Variants in SCN9A observed in about 807,000 individuals in gnomAD.
The protein encoded by SCN9A is sodium voltage-gated channel alpha subunit 9.
A neutral mutation model predicts 187.0 loss-of-function variants in SCN9A; 131 were observed. That is an observed-to-expected ratio of 0.70 (90% confidence interval 0.61 to 0.81). The LOEUF is 0.81. SCN9A is among the 30% of genes least tolerant of loss of function. The pLI, the probability that SCN9A is intolerant of heterozygous loss-of-function variation, is 0.00. For synonymous variants in SCN9A, 809 were observed against 808.6 expected, an observed-to-expected ratio of 1.00 and a Z score of -0.01; for missense variants, 2,252 against 2,396.6, an observed-to-expected ratio of 0.94 and a Z score of 1.26.
In SCN9A at chr2:166,218,087, GTGA is replaced by G. The variant is rs202111580; in HGVS notation, c.4398+8477_4398+8479del. ...ACATGCAACCTGTACCCATCAACAG[GTGA>G]ATGAATAAAGAAAATGTGATAGGTA... On this transcript the variant is annotated intron_variant, in intron 24 of 26. Transcript: ENST00000642356. 6.2e-3 allele frequency among the ~76,000 whole-genome samples: 935 copies of G among 151,894 alleles called. 7 individuals are homozygous for G. The highest frequency in any genetic ancestry group is 6.6e-3 in the Non-Finnish European group (445 of 67,932).
chr2:166,292,852 G>T, intron 9 of SCN9A, among the ~76,000 whole-genome samples: 1 of 152,220 alleles, frequency 6.6e-6, no homozygotes, highest in South Asian at 2.1e-4. Flanking sequence ...AATAAAACAT[G>T]GTGAGCAGGT....
Position 166,198,773 on chromosome 2 carries a change from G to T in SCN9A, c.5866C>A (p.Pro1956Thr). 1.9e-6 allele frequency: 3 copies of T among 1,613,514 alleles called. No individual in the cohort carries two copies. Among genetic ancestry groups the T allele is most frequent in the Non-Finnish European group, 2.5e-6 (3 of 1,179,616 alleles). Residue 1956 changes from proline to threonine, a missense_variant, in exon 27 of 27, where the codon CCT (proline) becomes ACT (threonine). Pro to Thr is a conservative substitution (Grantham distance 38, BLOSUM62 -1). Coordinates refer to ENST00000642356, the MANE Select transcript of SCN9A (RefSeq NM_001365536.1). ...GGCTTTGTTACACTATCATATGAAG[G>T]TGGAGAGGTGGTGGATGAAGTGGCA... ...TDATSSTTSP[P>T]SYDSVTKPDK...
At chr2:166,282,578 A>C (rs1219724530) in intron 12 of SCN9A, among the ~76,000 whole-genome samples, 1 of 151,914 alleles carries the variant, frequency 6.6e-6, no homozygotes, top group Admixed American at 6.5e-5. Flanking sequence ...ACACACACAC[A>C]CTCACACACA....
chr2:166,234,293 G>C (rs1489695107), intron 20 of SCN9A, among the ~76,000 whole-genome samples: 2 of 152,176 alleles, frequency 1.3e-5, no homozygotes, highest in African/African-American at 4.8e-5. Flanking sequence ...CTCTGAATTA[G>C]TTCCATGGAA....
In SCN9A at chr2:166,247,297, T is replaced by C. The variant is rs1479440254; in HGVS notation, c.3472+4468A>G. ...AATTGATTATGAAAACAAGCTTTTTTCACCATTTCTTAACATCAAATATAA... is the reference window on the plus strand; with the variant it reads ...AATTGATTATGAAAACAAGCTTTTTCCACCATTTCTTAACATCAAATATAA... On this transcript the variant is annotated intron_variant, in intron 18 of 26. Transcript: ENST00000642356. Among the ~76,000 whole-genome samples, 5 of 151,878 alleles carry C rather than the reference T, an allele frequency of 3.3e-5. No individual in the cohort carries two copies. In the East Asian group the frequency reaches 9.6e-4, roughly 29 times the overall value.
chr2:166,250,572 A>G (rs1263531943), intron 18 of SCN9A, among the ~76,000 whole-genome samples: 1 of 152,082 alleles, frequency 6.6e-6, no homozygotes, highest in African/African-American at 2.4e-5. Context: ...GTATTACTGT[A>G]TTACATTGCA....
chr2:166,216,351 C>G (rs1403040040), intron 24 of SCN9A, among the ~76,000 whole-genome samples: 1 of 152,002 alleles, frequency 6.6e-6, no homozygotes, highest in Admixed American at 6.6e-5. Flanking sequence ...ATTACCACTT[C>G]TTTTTGACAT....
chr2:166,281,571 T>C, intron 13 of SCN9A, 108 bp downstream of exon 13: 1 of 999,474 alleles, frequency 1.0e-6, no homozygotes. Context: ...AAAACCATTT[T>C]ATGGTCTCTG....
At chr2:166,291,826 ATTC>A (rs1312157386) in intron 9 of SCN9A, among the ~76,000 whole-genome samples, 2 of 152,230 alleles carry the variant, frequency 1.3e-5, no homozygotes, top group Non-Finnish European at 2.9e-5. Flanking sequence ...TGTGGAAAGG[ATTC>A]CCTATATAAT....
intron 17 of SCN9A, among the ~76,000 whole-genome samples, chr2:166,265,016 A>C (rs1004516878): frequency 6.6e-6 from 1 of 152,056 alleles, no homozygotes; most frequent in Non-Finnish European, 1.5e-5. Context: ...ATTATCAAAT[A>C]GGGTAACTAG....
intron 1 of SCN9A, among the ~76,000 whole-genome samples, chr2:166,348,548 A>C (rs1699957774): frequency 6.6e-6 from 1 of 151,980 alleles, no homozygotes; most frequent in African/African-American, 2.4e-5. Flanking sequence ...TTCCACTCTC[A>C]TTTTGTCTTA....
At chr2:166,214,459 C>A (rs2106364158) in intron 24 of SCN9A, among the ~76,000 whole-genome samples, 1 of 151,408 alleles carries the variant, frequency 6.6e-6, no homozygotes, top group East Asian at 1.9e-4. Context: ...CCCACGCCTT[C>A]TTCCCTGGCT....
At chr2:166,343,021 T>C (rs942757291) in intron 1 of SCN9A, among the ~76,000 whole-genome samples, 9 of 152,190 alleles carry the variant, frequency 5.9e-5, no homozygotes, top group African/African-American at 2.2e-4. Context: ...ATCAGATTAA[T>C]TGAAATGTCT....
intron 2 of SCN9A, 32 bp downstream of exon 2, chr2:166,311,467 G>C: frequency 6.8e-7 from 1 of 1,460,994 alleles, no homozygotes; most frequent in African/African-American, 1.4e-5. Context: ...GAAGCCAACA[G>C]AAACTGACCA....
In SCN9A at chr2:166,197,739, T is replaced by A. The variant is rs1328037522; in HGVS notation, c.*933A>T. 6.6e-6 allele frequency: 1 copy of A among 152,186 alleles called. No individual in the cohort carries two copies. Among genetic ancestry groups the A allele is most frequent in the Non-Finnish European group, 1.5e-5 (1 of 68,016 alleles). 9.4% of individuals were successfully genotyped at this position (152,186 alleles called of 1,614,324 possible). A position where few individuals can be genotyped will look rare whatever the true frequency, so the allele number is the denominator to read the frequency against. ...GAAAGGATGACTAAACAATACTGCA[T>A]AAGAAAGCAGGAAAATTTGACAAAA... On this transcript the variant is annotated 3_prime_UTR_variant, in exon 27 of 27. Transcript: ENST00000642356.
At chr2:166,357,321 C>T (rs1465710729) in intron 1 of SCN9A, among the ~76,000 whole-genome samples, 1 of 152,106 alleles carries the variant, frequency 6.6e-6, no homozygotes, top group African/African-American at 2.4e-5. Flanking sequence ...AAAATATTGC[C>T]GAATTCTCTT....
chr2:166,300,814 A>G (rs1463460343), intron 7 of SCN9A: 2 of 151,040 alleles, frequency 1.3e-5, no homozygotes, highest in Non-Finnish European at 2.9e-5. Context: ...GTGGTATAAG[A>G]TTCATTATTA....
chr2:166,253,770 A>G (rs1369436433), intron 17 of SCN9A, among the ~76,000 whole-genome samples: 1 of 151,808 alleles, frequency 6.6e-6, no homozygotes, highest in Non-Finnish European at 1.5e-5. Context: ...TGAAAAAAGA[A>G]TTATTGGCCT....
chr2:166,293,155 C>A, intron 9 of SCN9A, 76 bp downstream of exon 9: 1 of 1,346,624 alleles, frequency 7.4e-7, no homozygotes, highest in South Asian at 1.4e-5. Flanking sequence ...TAAAAAACCT[C>A]CTAATACAGG....
Sources: allele counts gnomAD v4.1 joint callset (sites outside exome capture counted in the v4.1 genomes callset), GRCh38; gene constraint gnomAD v4.1.1; transcripts MANE v1.5; gene names NCBI Gene and HGNC (gene_info 2026-07-23, HGNC 2026-07-21).